MTMR10: variants seen among roughly 807,000 people sequenced by gnomAD.
MTMR10 encodes myotubularin related protein 10, also known as myotubularin-related protein 10.
In MTMR10, 56 loss-of-function variants were observed where a neutral mutation model predicts 88.1. The ratio of observed to expected loss-of-function variants is 0.64; its 90% CI spans 0.51 to 0.79. The LOEUF (loss-of-function observed/expected upper bound fraction) is 0.79. MTMR10 is among the 30% of genes least tolerant of loss of function. MTMR10 has a pLI of 0.00. For missense variants in MTMR10, 883 were observed against 924.7 expected (o/e 0.95, Z 0.58); for synonymous variants, 380 against 340.9 (o/e 1.11, Z -1.26).
chr15:30,980,287 A>T (rs1376238708), intron 2 of MTMR10, among the ~76,000 whole-genome samples: 2 of 152,190 alleles, frequency 1.3e-5, no homozygotes, highest in Non-Finnish European at 2.9e-5. Context: ...AAGTCAAAAG[A>T]TCCCTTTCTC....
intron 13 of MTMR10, 98 bp downstream of exon 13, chr15:30,948,204 A>T: frequency 8.7e-7 from 1 of 1,146,926 alleles, no homozygotes; most frequent in Non-Finnish European, 1.2e-6. Flanking sequence ...AGTTGTACTA[A>T]ATACAGTATT....
the MTMR10 span, chr15:30,925,362 T>G: frequency 7.1e-7 from 1 of 1,403,374 alleles, no homozygotes; most frequent in East Asian, 2.3e-5. Context: ...AGAAGCATCC[T>G]AAGAGCTGTT....
intron 12 of MTMR10, among the ~76,000 whole-genome samples, chr15:30,951,164 T>C (rs1021920229): frequency 1.3e-5 from 2 of 152,256 alleles, no homozygotes; most frequent in African/African-American, 4.8e-5. Context: ...ATTTAATATG[T>C]AATTATCCTT....
chr15:30,983,717 G>C (rs898173630), intron 2 of MTMR10, among the ~76,000 whole-genome samples: 1 of 152,150 alleles, frequency 6.6e-6, no homozygotes. Flanking sequence ...CTGGGATGTG[G>C]TATTTTTAGC....
the MTMR10 span, chr15:30,922,099 C>A: frequency 3.6e-6 from 4 of 1,115,814 alleles, no homozygotes; most frequent in Admixed American, 2.5e-5. Flanking sequence ...CCTGTCAGTT[C>A]GGGGTCCTTG....
intron 6 of MTMR10, among the ~76,000 whole-genome samples, chr15:30,966,728 A>AT (rs34349078): frequency 0.27 from 40,385 of 152,026 alleles, 5,895 homozygotes; most frequent in Non-Finnish European, 0.33. Flanking sequence ...CTCAGTTACA[A>AT]TTATGTATAT....
intron 7 of MTMR10, among the ~76,000 whole-genome samples, chr15:30,959,919 TA>T (rs1566955093): frequency 1.3e-5 from 2 of 152,054 alleles, no homozygotes; most frequent in African/African-American, 4.8e-5. Context: ...TTAAACAAAT[TA>T]AAAAAACAAA....
At chr15:30,922,776 T>C in the MTMR10 span, among the ~76,000 whole-genome samples, 1 of 152,254 alleles carries the variant, frequency 6.6e-6, no homozygotes, top group Non-Finnish European at 1.5e-5. Flanking sequence ...AAGCGTTCCT[T>C]TCCCTATCTT....
intron 12 of MTMR10, chr15:30,948,848 A>G (rs959516169): frequency 2.4e-5 from 6 of 254,628 alleles, no homozygotes; most frequent in Non-Finnish European, 3.7e-5. Flanking sequence ...TGAGAAGTGA[A>G]TGGGGAGAGT....
chr15:30,956,076 AAAAC>A (rs754170009), intron 9 of MTMR10, among the ~76,000 whole-genome samples: 2 of 152,250 alleles, frequency 1.3e-5, no homozygotes, highest in Non-Finnish European at 2.9e-5. Flanking sequence ...AAAGATAAGA[AAAAC>A]AAAATCACTC....
the MTMR10 span, among the ~76,000 whole-genome samples, chr15:30,932,635 G>A: frequency 6.6e-6 from 1 of 151,744 alleles, no homozygotes; most frequent in East Asian, 1.9e-4. Context: ...TCTTGATTGC[G>A]CTTTGCTAGT....
the MTMR10 span, among the ~76,000 whole-genome samples, chr15:30,929,630 TTATACAA>T: frequency 1.6e-5 from 2 of 122,954 alleles, no homozygotes; most frequent in South Asian, 2.2e-4. Context: ...ATATTATATA[TTATACAA>T]TATACAATAT....
Position 30,952,003 on chromosome 15 carries a change from A to T in MTMR10, c.1172T>A (p.Met391Lys), listed in dbSNP as rs1241239279. The T allele has an allele frequency of 6.2e-7, 1 of 1,613,906 alleles. No individual in the cohort carries two copies. The highest frequency in any genetic ancestry group is 8.5e-7 in the Non-Finnish European group (1 of 1,179,782). Residue 391 changes from methionine (M) to lysine (K), a missense_variant, in exon 12 of 16, where the codon ATG (methionine) becomes AAG (lysine). Met to Lys is a moderately conservative substitution (Grantham distance 95, BLOSUM62 -1). Around this residue, in one of 3 missense-constraint regions of MTMR10, gnomAD observed 126 missense variants for 178.2 expected, o/e 0.71. Transcript: ENST00000435680. Reference protein sequence around the residue: ...FLKHSAELVYMLESKHLSVVL... With the variant: ...FLKHSAELVYKLESKHLSVVL... ...TACAGAGAGATGTTTGCTTTCTAGC[A>T]TGTATACAAGTTCTGCTGAATGCTT...
chr15:30,990,656 CTTTT>C (rs1185096396), intron 2 of MTMR10, 117 bp downstream of exon 2: 4 of 836,892 alleles, frequency 4.8e-6, no homozygotes, highest in Non-Finnish European at 7.5e-6. Flanking sequence ...AGTCACTAGA[CTTTT>C]AACTGGAGAA....
At chr15:30,981,034 C>A (rs2030535822) in intron 2 of MTMR10, among the ~76,000 whole-genome samples, 1 of 152,160 alleles carries the variant, frequency 6.6e-6, no homozygotes, top group African/African-American at 2.4e-5. Flanking sequence ...CAGTAAAGAT[C>A]AAGAAACTAT....
downstream of MTMR10, chr15:30,937,114 T>C (rs1003359680): frequency 6.2e-7 from 1 of 1,604,608 alleles, no homozygotes; most frequent in Non-Finnish European, 8.5e-7. Flanking sequence ...AAATTTCTTT[T>C]CCAGCTGGTG....
chr15:30,937,037 TGTCA>T (rs1458656391), downstream of MTMR10: 28 of 1,109,322 alleles, frequency 2.5e-5, no homozygotes, highest in East Asian at 4.7e-5. Flanking sequence ...TTTAAATAGT[TGTCA>T]GTGACAACTA....
chr15:30,945,223 C>T (rs1037083558), intron 14 of MTMR10, among the ~76,000 whole-genome samples: 1 of 152,084 alleles, frequency 6.6e-6, no homozygotes, highest in Admixed American at 6.5e-5. Context: ...TGACCAGTTC[C>T]TGCTAGGGAG....
the MTMR10 span, chr15:30,927,847 A>G: frequency 1.0e-6 from 1 of 985,482 alleles, no homozygotes; most frequent in Non-Finnish European, 1.2e-6. Flanking sequence ...TGACCCCCTC[A>G]TCCCACACCA....
Sources: allele counts gnomAD v4.1 joint callset (sites outside exome capture counted in the v4.1 genomes callset), GRCh38; gene constraint gnomAD v4.1.1; regional missense constraint gnomAD v4.1.1; transcripts MANE v1.5; gene names NCBI Gene and HGNC (gene_info 2026-07-23, HGNC 2026-07-21).